The following CDC123 variants were observed in gnomAD, a reference collection of about 807,000 sequenced individuals.
The protein encoded by CDC123 is translation initiation factor eIF2 assembly protein.
CDC123 carries 37 observed loss-of-function variants against 54.4 expected under a neutral mutation model. The observed-to-expected ratio is 0.68, with a 90% CI of 0.52 to 0.89. CDC123 has a LOEUF of 0.89. Ranked by LOEUF, CDC123 falls within the 40% of genes least tolerant of loss-of-function variation. CDC123 has a pLI of 0.00. For synonymous variants in CDC123, 144 were observed against 136.8 expected, an observed-to-expected ratio of 1.05 and a Z score of -0.37; for missense variants, 361 against 412.1, an observed-to-expected ratio of 0.88 and a Z score of 1.07.
intron 4 of CDC123, 68 bp downstream of exon 4, chr10:12,210,390 T>A: frequency 1.3e-6 from 2 of 1,572,814 alleles, no homozygotes; most frequent in Non-Finnish European, 1.7e-6. Flanking sequence ...CGTCAAGGTT[T>A]AAGTGCATAC....
chr10:12,207,903 G>A (rs1835542847), intron 2 of CDC123, among the ~76,000 whole-genome samples: 1 of 152,202 alleles, frequency 6.6e-6, no homozygotes. Context: ...GCTAGGATGT[G>A]CAAGGTAAGG....
At chr10:12,228,091 G>A (rs1211751517) in intron 6 of CDC123, among the ~76,000 whole-genome samples, 3 of 151,184 alleles carry the variant, frequency 2.0e-5, no homozygotes, top group South Asian at 4.2e-4. Flanking sequence ...TTGAGCCTCC[G>A]TACCGGCTAA....
chr10:12,215,927 T>C (rs983065140), intron 5 of CDC123, 92 bp downstream of exon 5: 1 of 699,656 alleles, frequency 1.4e-6, no homozygotes, highest in African/African-American at 1.8e-5. Context: ...TCTAATTATA[T>C]TCCTAATTCT....
chr10:12,205,789 A>G (rs1386090285), intron 2 of CDC123, among the ~76,000 whole-genome samples: 3 of 151,902 alleles, frequency 2.0e-5, no homozygotes, highest in Non-Finnish European at 4.4e-5. Flanking sequence ...AGCCAAGTCT[A>G]ATAAACTTTC....
chr10:12,205,509 A>T (rs1014499637), intron 2 of CDC123, among the ~76,000 whole-genome samples: 1 of 152,240 alleles, frequency 6.6e-6, no homozygotes, highest in East Asian at 1.9e-4. Context: ...GATGCCAATT[A>T]TAAAATACAT....
chr10:12,219,690 G>T (rs183441379), intron 6 of CDC123, among the ~76,000 whole-genome samples: 4 of 144,506 alleles, frequency 2.8e-5, no homozygotes, highest in East Asian at 2.0e-4. Context: ...ACTGATAATG[G>T]TTTTTTTTTT....
chr10:12,199,023 G>A, intron 2 of CDC123: 1 of 355,626 alleles, frequency 2.8e-6, no homozygotes, highest in East Asian at 5.9e-5. Flanking sequence ...TTAGAAAACA[G>A]TTATGATGAC....
chr10:12,240,615 T>A (rs566732557), intron 10 of CDC123, among the ~76,000 whole-genome samples: 2 of 152,368 alleles, frequency 1.3e-5, no homozygotes, highest in Admixed American at 6.5e-5. Flanking sequence ...GGCTCACGCC[T>A]GTATTTTCAG....
Position 12,197,553 on chromosome 10 carries a change from T to C in CDC123, c.75-1152T>C, listed in dbSNP as rs564802424. On this transcript the variant is annotated intron_variant, in intron 1 of 12. Transcript: ENST00000281141. Reference sequence around the variant, plus strand: ...CACCACCCCCGGCTAATTTTTTGTATTTTTAGTAGAGGCGGGGTTTTCACC... The same window carrying C: ...CACCACCCCCGGCTAATTTTTTGTACTTTTAGTAGAGGCGGGGTTTTCACC... 2.0e-4 allele frequency among the ~76,000 whole-genome samples: 30 copies of C among 152,126 alleles called. 1 individual carries two copies. In the South Asian group the frequency reaches 6.0e-3, roughly 31 times the overall value.
At chr10:12,238,542 C>T (rs963540779) in intron 10 of CDC123, 57 bp downstream of exon 10, 13 of 1,577,442 alleles carry the variant, frequency 8.2e-6, no homozygotes, top group Non-Finnish European at 1.1e-5. Flanking sequence ...TATAAGCAGG[C>T]AGAGCATGCC....
At chr10:12,245,952 C>A in intron 10 of CDC123, 197 bp from the exon 11 acceptor site, 1 of 513,488 alleles carries the variant, frequency 1.9e-6, no homozygotes, top group Non-Finnish European at 3.5e-6. Flanking sequence ...TGCCTGTAGT[C>A]CCAGGTACTG....
intron 6 of CDC123, among the ~76,000 whole-genome samples, chr10:12,226,117 T>A (rs1835809381): frequency 6.6e-6 from 1 of 152,094 alleles, no homozygotes; most frequent in East Asian, 1.9e-4. Context: ...GCAGAAGAAT[T>A]TTTCTTAGTA....
intron 2 of CDC123, among the ~76,000 whole-genome samples, chr10:12,201,951 C>G (rs1407681189): frequency 6.6e-6 from 1 of 152,142 alleles, no homozygotes; most frequent in Non-Finnish European, 1.5e-5. Context: ...AAGAATTCCT[C>G]TCAGATTACT....
chr10:12,197,732 TA>T (rs1835383127), intron 1 of CDC123, among the ~76,000 whole-genome samples: 1 of 151,810 alleles, frequency 6.6e-6, no homozygotes, highest in Admixed American at 6.6e-5. Flanking sequence ...TATTTATTTT[TA>T]AAACCGAAGT....
chr10:12,237,508 C>G (rs892230333), intron 9 of CDC123: 18 of 203,242 alleles, frequency 8.9e-5, no homozygotes, highest in Non-Finnish European at 1.3e-4. Flanking sequence ...GATCGCGGCT[C>G]GTGCAGCTTC....
intron 11 of CDC123, among the ~76,000 whole-genome samples, chr10:12,248,102 G>A (rs911321350): frequency 2.0e-5 from 3 of 152,158 alleles, no homozygotes; most frequent in African/African-American, 7.2e-5. Context: ...TACATAACGT[G>A]CATTTAAACA....
chr10:12,197,215 C>A (rs1172731499), intron 1 of CDC123, among the ~76,000 whole-genome samples: 1 of 152,052 alleles, frequency 6.6e-6, no homozygotes, highest in Non-Finnish European at 1.5e-5. Context: ...TATTTGTAAT[C>A]AGCAAATAGA....
chr10:12,246,089 TTCTC>T (rs1297634627), intron 10 of CDC123, 56 bp from the exon 11 acceptor site: 1 of 1,564,602 alleles, frequency 6.4e-7, no homozygotes, highest in Non-Finnish European at 8.7e-7. Flanking sequence ...AAGTGTTTCT[TTCTC>T]AGAAGACAGA....
At chr10:12,244,658 T>C (rs1391170074) in intron 10 of CDC123, 5 of 151,160 alleles carry the variant, frequency 3.3e-5, no homozygotes, top group Non-Finnish European at 7.4e-5. Flanking sequence ...CTTTTTTTTT[T>C]TTTTTTACGT....
Sources: gnomAD v4.1 joint callset for allele counts (sites outside exome capture counted in the v4.1 genomes callset) on GRCh38, gnomAD v4.1.1 for gene constraint, MANE v1.5 for transcripts, NCBI Gene and HGNC (gene_info 2026-07-23, HGNC 2026-07-21) for gene names.